MINDY2: variants seen among roughly 807,000 people sequenced by gnomAD.
The protein encoded by MINDY2 is MINDY lysine 48 deubiquitinase 2.
A neutral mutation model predicts 68.2 loss-of-function variants in MINDY2; 52 were observed. That is an observed-to-expected ratio of 0.76 (90% CI 0.61 to 0.96). The LOEUF (loss-of-function observed/expected upper bound fraction) is 0.96. Among genes scored for constraint, MINDY2 ranks in the 40% least tolerant of loss-of-function variants. The pLI is 0.00. For missense variants in MINDY2, 881 were observed against 773.4 expected (o/e 1.14, Z -1.65); for synonymous variants, 372 against 303.0 (o/e 1.23, Z -2.36).
At chr15:58,799,333 C>T (rs1028061116) in intron 2 of MINDY2, among the ~76,000 whole-genome samples, 4 of 152,044 alleles carry the variant, frequency 2.6e-5, no homozygotes, top group East Asian at 3.9e-4. Context: ...TTTGGGAGGC[C>T]GAGGCAGGCG....
rs1322840641 is a variant in MINDY2 at position 58,837,537 on chromosome 15, A to AT, written c.1368+5621_1368+5622insT. 6.9e-3 allele frequency among the ~76,000 whole-genome samples: 909 copies of AT among 132,352 alleles called. 18 individuals are homozygous for AT. Among genetic ancestry groups the AT allele is most frequent in the African/African-American group, 0.024 (761 of 31,512 alleles). The allele number at this position is 132,352 out of a possible 152,430, so 86.8% of individuals were successfully genotyped here. ...TGAGGCTACAGTGAGCCATGATGGC[A>AT]CCAAAAAAAAAAAAAAAGGAAACCT... On this transcript the variant is annotated intron_variant, in intron 6 of 8. Coordinates refer to ENST00000559228, the MANE Select transcript of MINDY2 (RefSeq NM_001040450.3).
In MINDY2 at chr15:58,771,875, T is replaced by G. The variant is rs757733869; in HGVS notation, c.480T>G (p.Ser160Arg). ...GCAGCGCCGGCGGCCTCAGCAGCAG[T>G]TGCAGCGACCCGAGCCCTCCTGGGG... is the stretch of plus-strand genomic sequence containing the variant. Reference protein sequence around the residue: ...EPSSAGGLSSSCSDPSPPGES... With the variant: ...EPSSAGGLSSRCSDPSPPGES... Residue 160 changes from serine (S) to arginine (R), a missense_variant, in exon 1 of 9, where the codon AGT becomes AGG. Physicochemically the swap from Ser to Arg is moderately radical, Grantham distance 110. Transcript: ENST00000559228. 1.1e-5 allele frequency: 18 copies of G among 1,578,464 alleles called. No homozygotes were observed. The highest frequency in any genetic ancestry group is 1.5e-5 in the Non-Finnish European group (18 of 1,163,740).
At chr15:58,800,122 C>T (rs1902542108) in intron 2 of MINDY2, among the ~76,000 whole-genome samples, 1 of 152,166 alleles carries the variant, frequency 6.6e-6, no homozygotes, top group Non-Finnish European at 1.5e-5. Context: ...CAAATGTTCA[C>T]CTGGTATAAG....
At position 58,858,535 on chromosome 15, in the gene MINDY2, A is replaced by G. The variant is rs531187459; in HGVS notation, c.*3925A>G. ...CAATAAATAAAATAATTGTTCATAT[A>G]TTAATGTTCACATGTGAACTACATA... On this transcript the variant is annotated 3_prime_UTR_variant, in exon 9 of 9. Coordinates refer to ENST00000559228, the MANE Select transcript of MINDY2 (RefSeq NM_001040450.3). 6.6e-6 allele frequency: 1 copy of G among 152,310 alleles called. No individual in the cohort carries two copies. Among genetic ancestry groups the G allele is most frequent in the East Asian group, 1.9e-4 (1 of 5,194 alleles). The allele number at this position is 152,310 out of a possible 1,614,324, so 9.4% of individuals were successfully genotyped here. A position where few individuals can be genotyped will look rare whatever the true frequency, so the allele number is the denominator to read the frequency against.
chr15:58,852,253 A>G (rs1311182027), intron 8 of MINDY2, among the ~76,000 whole-genome samples: 2 of 126,822 alleles, frequency 1.6e-5, no homozygotes, highest in African/African-American at 5.7e-5. Context: ...GTGCCACTAC[A>G]CTCCAGTCAG....
intron 2 of MINDY2, among the ~76,000 whole-genome samples, chr15:58,791,329 C>G (rs1190232771): frequency 1.4e-5 from 2 of 147,966 alleles, no homozygotes; most frequent in Non-Finnish European, 3.0e-5. Flanking sequence ...TGTTCTGTAT[C>G]TGTGCTGTCC....
At chr15:58,788,662 AC>A (rs1489237319) in intron 2 of MINDY2, among the ~76,000 whole-genome samples, 1 of 152,210 alleles carries the variant, frequency 6.6e-6, no homozygotes, top group Admixed American at 6.5e-5. Context: ...ATATATTTAT[AC>A]TATCACCAAA....
At chr15:58,773,155 T>C (rs971580299) in intron 1 of MINDY2, among the ~76,000 whole-genome samples, 10 of 151,288 alleles carry the variant, frequency 6.6e-5, no homozygotes, top group African/African-American at 2.4e-4. Context: ...CAAAACAAAC[T>C]GGGTGTGGTG....
At chr15:58,778,084 T>C (rs1370627413) in intron 1 of MINDY2, among the ~76,000 whole-genome samples, 1 of 152,196 alleles carries the variant, frequency 6.6e-6, no homozygotes, top group African/African-American at 2.4e-5. Flanking sequence ...CTTACAAAGA[T>C]ATTTCTTTAG....
intron 5 of MINDY2, among the ~76,000 whole-genome samples, chr15:58,826,586 C>T (rs2031412124): frequency 6.6e-6 from 1 of 152,146 alleles, no homozygotes; most frequent in Non-Finnish European, 1.5e-5. Flanking sequence ...AGCACTTTAC[C>T]TGTAAATGCT....
intron 7 of MINDY2, among the ~76,000 whole-genome samples, chr15:58,849,176 C>T (rs2032690706): frequency 6.6e-6 from 1 of 150,790 alleles, no homozygotes; most frequent in Admixed American, 6.6e-5. Flanking sequence ...TGCCATTGCA[C>T]TCCAACATGG....
intron 3 of MINDY2, among the ~76,000 whole-genome samples, chr15:58,808,893 C>T (rs989078119): frequency 1.3e-5 from 2 of 152,200 alleles, no homozygotes; most frequent in Non-Finnish European, 2.9e-5. Context: ...TGGGAGCCAC[C>T]GTGCCCAGCC....
At chr15:58,823,114 A>C (rs1448536215) in intron 5 of MINDY2, among the ~76,000 whole-genome samples, 1 of 151,730 alleles carries the variant, frequency 6.6e-6, no homozygotes, top group African/African-American at 2.4e-5. Flanking sequence ...ATTTTAGTTA[A>C]GGTTTATCCT....
chr15:58,794,637 G>C (rs1209982300), intron 2 of MINDY2, among the ~76,000 whole-genome samples: 2 of 152,036 alleles, frequency 1.3e-5, no homozygotes, highest in South Asian at 2.1e-4. Flanking sequence ...AGTGGGGAGA[G>C]AATGACAGGA....
chr15:58,835,626 C>G (rs2031957534), intron 6 of MINDY2, among the ~76,000 whole-genome samples: 1 of 152,042 alleles, frequency 6.6e-6, no homozygotes, highest in South Asian at 2.1e-4. Flanking sequence ...GCACTCCAGC[C>G]TAAGCGACAA....
intron 6 of MINDY2, among the ~76,000 whole-genome samples, chr15:58,837,282 A>T (rs2032038098): frequency 6.6e-6 from 1 of 152,120 alleles, no homozygotes; most frequent in African/African-American, 2.4e-5. Flanking sequence ...AATAATTTTT[A>T]AAAATAGAGG....
At chr15:58,831,039 G>GTATATATATATATATATATATATA (rs1247362730) in intron 5 of MINDY2, among the ~76,000 whole-genome samples, 6 of 109,602 alleles carry the variant, frequency 5.5e-5, no homozygotes, top group Admixed American at 9.0e-5. Flanking sequence ...GTGTGTGTGT[G>GTATATATATATATATATATATATA]TGTATATATA....
intron 8 of MINDY2, among the ~76,000 whole-genome samples, chr15:58,854,052 G>A (rs1022436238): frequency 1.3e-5 from 2 of 151,886 alleles, no homozygotes; most frequent in South Asian, 4.1e-4. Context: ...AGACCAGCCT[G>A]GCCAACATAG....
intron 6 of MINDY2, 48 bp downstream of exon 6, chr15:58,831,964 CTTGA>C (rs2031751486): frequency 2.6e-6 from 4 of 1,533,932 alleles, no homozygotes; most frequent in East Asian, 2.3e-5. Context: ...ATCAAAGGAG[CTTGA>C]TTTAGAGTTG....
Sources: gnomAD v4.1 joint callset for allele counts (sites outside exome capture counted in the v4.1 genomes callset) on GRCh38, gnomAD v4.1.1 for gene constraint, MANE v1.5 for transcripts, NCBI Gene and HGNC (gene_info 2026-07-23, HGNC 2026-07-21) for gene names.